The following MRPS9 variants were observed in gnomAD, a reference collection of about 807,000 sequenced individuals.
The protein encoded by MRPS9 is small ribosomal subunit protein uS9m.
In MRPS9, 45 loss-of-function variants were observed where a neutral mutation model predicts 59.9. That is an observed-to-expected ratio of 0.75 (90% confidence interval 0.59 to 0.96). The LOEUF (loss-of-function observed/expected upper bound fraction) is 0.96, where lower values mean the gene tolerates loss of function less well. Ranked by LOEUF, MRPS9 falls within the 40% of genes least tolerant of loss-of-function variation. The pLI is 0.00. For synonymous variants in MRPS9, 171 were observed against 166.8 expected, an observed-to-expected ratio of 1.03 and a Z score of -0.19; for missense variants, 473 against 481.1, an observed-to-expected ratio of 0.98 and a Z score of 0.16.
At chr2:105,059,044 G>T (rs1679847655) in intron 2 of MRPS9, among the ~76,000 whole-genome samples, 1 of 149,936 alleles carries the variant, frequency 6.7e-6, no homozygotes, top group African/African-American at 2.4e-5. Context: ...TTTGGAAAAA[G>T]CATGGTTTTT....
At chr2:105,038,414 G>A (rs1403860628) in intron 1 of MRPS9, 187 bp downstream of exon 1, 1 of 715,564 alleles carries the variant, frequency 1.4e-6, no homozygotes, top group East Asian at 2.8e-5. Flanking sequence ...TCTAGAGGTT[G>A]TTACTTGTTT....
chr2:105,062,925 T>C (rs1334193319), intron 2 of MRPS9, among the ~76,000 whole-genome samples: 1 of 152,192 alleles, frequency 6.6e-6, no homozygotes, highest in Non-Finnish European at 1.5e-5. Context: ...AATTTTTGCT[T>C]TGCGTTACTT....
In MRPS9 at chr2:105,049,232, G is replaced by T. The variant is rs771563820; in HGVS notation, c.197G>T (p.Arg66Leu). 6.2e-7 allele frequency: 1 copy of T among 1,613,188 alleles called. No individual in the cohort carries two copies. Among genetic ancestry groups the T allele is most frequent in the African/African-American group, 1.3e-5 (1 of 74,952 alleles). Residue 66 changes from arginine to leucine, a missense_variant, in exon 2 of 11, where the codon CGT becomes CTT. Transcript: ENST00000258455. ...AAGAAAAACGTTCCTACCTCAAAAC[G>T]TGAAACTTACACAGAGGATTTTATT... ...IPKKNVPTSKRETYTEDFIKK... is the reference protein window; with the variant it reads ...IPKKNVPTSKLETYTEDFIKK...
chr2:105,051,878 G>A (rs1421686836), intron 2 of MRPS9, among the ~76,000 whole-genome samples: 2 of 151,792 alleles, frequency 1.3e-5, no homozygotes. Flanking sequence ...GTATATTTTT[G>A]ATTTTGAATC....
chr2:105,050,387 A>G (rs1047688144), intron 2 of MRPS9, among the ~76,000 whole-genome samples: 7 of 152,054 alleles, frequency 4.6e-5, no homozygotes, highest in Admixed American at 1.3e-4. Flanking sequence ...CGATCCACCC[A>G]TCTCAGCCTC....
At chr2:105,047,119 A>G (rs1425743757) in intron 1 of MRPS9, among the ~76,000 whole-genome samples, 1 of 151,998 alleles carries the variant, frequency 6.6e-6, no homozygotes, top group African/African-American at 2.4e-5. Flanking sequence ...GTGTCTATAA[A>G]AGAGCGGACC....
chr2:105,059,717 C>A (rs56082211), intron 2 of MRPS9, among the ~76,000 whole-genome samples: 33,516 of 151,778 alleles, frequency 0.22, 3,773 homozygotes, highest in Middle Eastern at 0.35. Context: ...AAACTTGTCC[C>A]AGTGGGCCAA....
intron 5 of MRPS9, among the ~76,000 whole-genome samples, chr2:105,087,081 G>A (rs2104465478): frequency 6.6e-6 from 1 of 152,238 alleles, no homozygotes; most frequent in South Asian, 2.1e-4. Context: ...AGTCAGCAAG[G>A]CTTACCAATT....
In MRPS9 at chr2:105,038,303, A is replaced by T; in HGVS notation, c.135+76A>T. Reference sequence around the variant, plus strand: ...GGAGCCAGCGCGGACACCTTCCCCCAGCGTCTCGCGTGCCTTCAGGCAGGG... The same window carrying T: ...GGAGCCAGCGCGGACACCTTCCCCCTGCGTCTCGCGTGCCTTCAGGCAGGG... On this transcript the variant is annotated intron_variant, in intron 1 of 10. Transcript: ENST00000258455. The T allele has an allele frequency of 1.9e-6, 3 of 1,545,116 alleles. No individual in the cohort carries two copies. The South Asian group carries it at 3.6e-5, about 19-fold the overall frequency.
intron 2 of MRPS9, among the ~76,000 whole-genome samples, chr2:105,069,766 A>G (rs906812449): frequency 4.6e-5 from 7 of 151,796 alleles, no homozygotes; most frequent in African/African-American, 1.5e-4. Flanking sequence ...TAATCCCAAT[A>G]CTGGTAGGCC....
At chr2:105,097,923 C>T (rs1487637445) in intron 10 of MRPS9, among the ~76,000 whole-genome samples, 1 of 152,194 alleles carries the variant, frequency 6.6e-6, no homozygotes, top group African/African-American at 2.4e-5. Context: ...TGTTCTCGAA[C>T]TCCTGGCCTC....
chr2:105,098,021 A>G (rs58147521), intron 10 of MRPS9, among the ~76,000 whole-genome samples: 30,232 of 152,182 alleles, frequency 0.2, 3,136 homozygotes, highest in Middle Eastern at 0.35. Flanking sequence ...TGTAATAATT[A>G]TTTGGTTAGT....
intron 8 of MRPS9, 99 bp downstream of exon 8, chr2:105,092,668 A>G: frequency 1.8e-6 from 2 of 1,122,834 alleles, no homozygotes; most frequent in Non-Finnish European, 1.2e-6. Context: ...TAGATTTTTT[A>G]TTTGTTTATT....
At chr2:105,074,898 G>A (rs141525138) in intron 4 of MRPS9, among the ~76,000 whole-genome samples, 124 of 152,098 alleles carry the variant, frequency 8.2e-4, no homozygotes, top group African/African-American at 2.7e-3. Context: ...GGATGGTTTC[G>A]GGATGATTCA....
At chr2:105,052,785 A>C (rs56168615) in intron 2 of MRPS9, among the ~76,000 whole-genome samples, 31,419 of 151,912 alleles carry the variant, frequency 0.21, 3,297 homozygotes, top group Middle Eastern at 0.34. Flanking sequence ...GTTTTTTTAA[A>C]TGCTTACTTT....
chr2:105,085,177 AAG>A (rs1427426075), intron 5 of MRPS9, among the ~76,000 whole-genome samples: 1 of 152,176 alleles, frequency 6.6e-6, no homozygotes, highest in Non-Finnish European at 1.5e-5. Context: ...AAGTAATAGC[AAG>A]AGTCTATAAC....
intron 9 of MRPS9, among the ~76,000 whole-genome samples, chr2:105,094,522 ACT>A (rs1680621660): frequency 6.6e-6 from 1 of 152,072 alleles, no homozygotes. Flanking sequence ...AAGGGCTAAA[ACT>A]CTTTTGATAC....
In MRPS9 at chr2:105,038,139, T is replaced by A; in HGVS notation, c.47T>A (p.Leu16His). 6.2e-7 allele frequency: 1 copy of A among 1,613,886 alleles called. No homozygotes were observed. The highest frequency in any genetic ancestry group is 8.5e-7 in the Non-Finnish European group (1 of 1,179,964). ...TACGGCGGAGCAGTTTCGTACCGGC[T>A]TCTTCTCTGGGGTAGGGGTAGCCTC... ...VSYGGAVSYR[L>H]LLWGRGSLAR... The change falls in exon 1 of 11, where the codon CTT becomes CAT. Residue 16 changes from leucine (L) to histidine (H), a missense_variant. Leu to His is a moderately conservative substitution (Grantham distance 99, BLOSUM62 -3). Coordinates refer to ENST00000258455, the MANE Select transcript of MRPS9 (RefSeq NM_182640.3).
chr2:105,046,315 G>T (rs187859616), intron 1 of MRPS9, among the ~76,000 whole-genome samples: 1 of 152,000 alleles, frequency 6.6e-6, no homozygotes, highest in South Asian at 2.1e-4. Flanking sequence ...AAAATAGAGG[G>T]TGTAAGACAT....
Sources: allele counts gnomAD v4.1 joint callset (sites outside exome capture counted in the v4.1 genomes callset), GRCh38; gene constraint gnomAD v4.1.1; transcripts MANE v1.5; gene names NCBI Gene and HGNC (gene_info 2026-07-23, HGNC 2026-07-21).